LPP: variants seen among roughly 807,000 people sequenced by gnomAD.
The protein encoded by LPP is LIM domain containing preferred translocation partner in lipoma.
LPP carries 38 observed loss-of-function variants against 60.4 expected under a neutral mutation model. The observed-to-expected ratio is 0.63, with a 90% CI of 0.49 to 0.83. LPP has a LOEUF of 0.83. Ranked by LOEUF, LPP falls within the 40% of genes least tolerant of loss-of-function variation. The pLI, the probability that LPP is intolerant of heterozygous loss-of-function variation, is 0.00. For synonymous variants in LPP, 328 were observed against 290.8 expected, an observed-to-expected ratio of 1.13 and a Z score of -1.30; for missense variants, 902 against 783.6, an observed-to-expected ratio of 1.15 and a Z score of -1.80.
At chr3:188,751,863 G>A (rs112561659) in intron 8 of LPP, among the ~76,000 whole-genome samples, 65 of 152,158 alleles carry the variant, frequency 4.3e-4, no homozygotes, top group African/African-American at 1.5e-3. Flanking sequence ...CATCACCCCG[G>A]GGTCTACAAA....
rs760058728 is a variant in LPP at position 188,407,768 on chromosome 3, GT to G, written c.193+1466del. On this transcript the variant is annotated intron_variant, in intron 4 of 11. Coordinates refer to ENST00000617246, the MANE Select transcript of LPP (RefSeq NM_001375462.1). ...CCATATGTTGGCTTCCTCATTTATG[GT>G]TTTTTTTTTTGTTTGTTTGTTTTTT... Among the ~76,000 whole-genome samples, 32 of 61,302 alleles carry G rather than the reference GT, an allele frequency of 5.2e-4. 2 individuals carry two copies. Among genetic ancestry groups the G allele is most frequent in the Admixed American group, 1.6e-3 (6 of 3,818 alleles). The allele number at this position is 61,302 out of a possible 152,430, so 40.2% of individuals were successfully genotyped here.
At chr3:188,842,905 A>G (rs943089415) in intron 9 of LPP, among the ~76,000 whole-genome samples, 5 of 152,164 alleles carry the variant, frequency 3.3e-5, no homozygotes, top group African/African-American at 1.2e-4. Flanking sequence ...CCACCCTCAG[A>G]GGCAATGACT....
rs1275720898 is a variant in LPP at position 188,748,676 on chromosome 3, G to A, written c.1241-11437G>A. On this transcript the variant is annotated intron_variant, in intron 8 of 11. Coordinates refer to ENST00000617246, the MANE Select transcript of LPP (RefSeq NM_001375462.1). Reference sequence around the variant, plus strand: ...CGTGCGCCTGTAATCCCAGCTACTCGGGAGGCTGAGGCAGGAGAATCACTT... The same window carrying A: ...CGTGCGCCTGTAATCCCAGCTACTCAGGAGGCTGAGGCAGGAGAATCACTT... 5.3e-5 allele frequency among the ~76,000 whole-genome samples: 8 copies of A among 152,138 alleles called. No homozygotes were observed. The South Asian group carries it at 1.0e-3, about 20-fold the overall frequency.
At chr3:188,296,169 C>T (rs1429986182) in intron 2 of LPP, among the ~76,000 whole-genome samples, 1 of 152,104 alleles carries the variant, frequency 6.6e-6, no homozygotes, top group Non-Finnish European at 1.5e-5. Flanking sequence ...TTAACTTGGT[C>T]CACTGGGGGA....
At chr3:188,357,175 A>G (rs1767857148) in intron 3 of LPP, among the ~76,000 whole-genome samples, 9 of 152,244 alleles carry the variant, frequency 5.9e-5, no homozygotes, top group Admixed American at 5.9e-4. Flanking sequence ...AAGGGGCATG[A>G]GTTAGTGACA....
At position 188,477,587 on chromosome 3, in the gene LPP, G is replaced by A. The variant is rs112855113; in HGVS notation, c.194-7005G>A. ...CTTTGCTGTAATGCATTTCCTGGTG[G>A]TTTTTAAAACCTTACTCAGCTGAAC... On this transcript the variant is annotated intron_variant, in intron 4 of 11. Transcript: ENST00000617246. Among the ~76,000 whole-genome samples the A allele has an allele frequency of 1.5e-3, 234 of 152,200 alleles. 1 individual carries two copies. The highest frequency in any genetic ancestry group is 5.3e-3 in the African/African-American group (219 of 41,518).
intron 6 of LPP, among the ~76,000 whole-genome samples, chr3:188,539,793 A>G (rs950885911): frequency 6.6e-6 from 1 of 152,202 alleles, no homozygotes; most frequent in Non-Finnish European, 1.5e-5. Context: ...GAATCTTGGC[A>G]GTAATTCTGG....
At chr3:188,238,846 T>C (rs1192898440) in intron 2 of LPP, among the ~76,000 whole-genome samples, 1 of 152,206 alleles carries the variant, frequency 6.6e-6, no homozygotes, top group Non-Finnish European at 1.5e-5. Context: ...AAATTGTACC[T>C]AAAGACTTGC....
At chr3:188,765,387 G>A (rs1468795417) in intron 9 of LPP, among the ~76,000 whole-genome samples, 1 of 151,470 alleles carries the variant, frequency 6.6e-6, no homozygotes, top group Non-Finnish European at 1.5e-5. Context: ...CTCCTAGGAA[G>A]GAGAAAAATG....
At chr3:188,831,855 TTCTGA>T (rs1757216022) in intron 9 of LPP, among the ~76,000 whole-genome samples, 1 of 152,196 alleles carries the variant, frequency 6.6e-6, no homozygotes, top group African/African-American at 2.4e-5. Flanking sequence ...GCCCTCCATT[TTCTGA>T]GTATGCTATA....
intron 6 of LPP, among the ~76,000 whole-genome samples, chr3:188,596,681 T>C (rs1840049361): frequency 6.6e-6 from 1 of 152,188 alleles, no homozygotes; most frequent in Non-Finnish European, 1.5e-5. Flanking sequence ...AAATATGATG[T>C]CCTTCAAATA....
At chr3:188,566,637 C>G (rs946341971) in intron 6 of LPP, among the ~76,000 whole-genome samples, 1 of 151,836 alleles carries the variant, frequency 6.6e-6, no homozygotes, top group Admixed American at 6.6e-5. Flanking sequence ...TGTTCTCTCA[C>G]TATGTAAATT....
At chr3:188,588,685 C>T (rs1239438555) in intron 6 of LPP, among the ~76,000 whole-genome samples, 4 of 152,210 alleles carry the variant, frequency 2.6e-5, no homozygotes, top group Non-Finnish European at 2.9e-5. Context: ...ATTGTATGTA[C>T]TAGCTGTTAT....
chr3:188,370,152 T>C (rs1043171049), intron 3 of LPP, among the ~76,000 whole-genome samples: 4 of 152,190 alleles, frequency 2.6e-5, no homozygotes, highest in Non-Finnish European at 4.4e-5. Flanking sequence ...GGTCTTGAAC[T>C]CCTGACCTCT....
At chr3:188,335,068 A>G (rs1761272634) in intron 2 of LPP, among the ~76,000 whole-genome samples, 1 of 152,218 alleles carries the variant, frequency 6.6e-6, no homozygotes, top group Non-Finnish European at 1.5e-5. Flanking sequence ...TTCAAGAACT[A>G]TCTTGAATAA....
chr3:188,562,695 G>T lies in LPP; in HGVS notation c.429+37908G>T, dbSNP rs946431763. 3.3e-5 allele frequency among the ~76,000 whole-genome samples: 5 copies of T among 151,984 alleles called. No individual in the cohort carries two copies. The East Asian group carries it at 9.7e-4, about 30-fold the overall frequency. On this transcript the variant is annotated intron_variant, in intron 6 of 11. Coordinates refer to ENST00000617246, the MANE Select transcript of LPP (RefSeq NM_001375462.1). ...TTCCTTTTCTCTCCCCTTCATGTTT[G>T]TTAGTTTGGGAAAGAAGCAGTTTTA... is the stretch of plus-strand genomic sequence containing the variant.
At chr3:188,487,883 C>T (rs1344682093) in intron 5 of LPP, among the ~76,000 whole-genome samples, 2 of 152,012 alleles carry the variant, frequency 1.3e-5, no homozygotes, top group African/African-American at 4.8e-5. Flanking sequence ...AGGTCAGAGC[C>T]AAAAGAACGT....
intron 2 of LPP, among the ~76,000 whole-genome samples, chr3:188,299,668 T>A (rs1749103474): frequency 6.6e-6 from 1 of 152,172 alleles, no homozygotes; most frequent in Non-Finnish European, 1.5e-5. Context: ...TGATTCTTGG[T>A]TCTTGTTTTT....
At chr3:188,636,115 G>A (rs1008193277) in intron 7 of LPP, among the ~76,000 whole-genome samples, 3 of 152,210 alleles carry the variant, frequency 2.0e-5, no homozygotes, top group Non-Finnish European at 4.4e-5. Flanking sequence ...CGCAGAAGGC[G>A]GGTGATTTCT....
Sources: allele counts gnomAD v4.1 joint callset (sites outside exome capture counted in the v4.1 genomes callset), GRCh38; gene constraint gnomAD v4.1.1; transcripts MANE v1.5; gene names NCBI Gene and HGNC (gene_info 2026-07-23, HGNC 2026-07-21).